The following TUBGCP3 variants were observed in gnomAD, a reference collection of about 807,000 sequenced individuals.
TUBGCP3 encodes tubulin gamma complex component 3, also known as gamma-tubulin complex component 3.
In TUBGCP3, 50 loss-of-function variants were observed where a neutral mutation model predicts 123.1. That is an observed-to-expected ratio of 0.41 (90% confidence interval 0.32 to 0.51). TUBGCP3 has a LOEUF of 0.51. TUBGCP3 is among the 20% of genes least tolerant of loss of function. TUBGCP3 has a pLI of 0.36. For synonymous variants in TUBGCP3, 405 were observed against 413.9 expected (o/e 0.98, Z 0.26); for missense variants, 882 against 1,127.0 (o/e 0.78, Z 3.11).
At chr13:112,577,069 G>C (rs1406839568) in intron 1 of TUBGCP3, among the ~76,000 whole-genome samples, 1 of 151,632 alleles carries the variant, frequency 6.6e-6, no homozygotes, top group East Asian at 1.9e-4. Flanking sequence ...CACAGAATCA[G>C]GAAGGGATAC....
the TUBGCP3 span, among the ~76,000 whole-genome samples, chr13:112,599,670 C>G: frequency 1.2e-4 from 19 of 152,048 alleles, no homozygotes; most frequent in Middle Eastern, 3.4e-3. Context: ...CCAGGCCCGC[C>G]AAGTTATTTT....
chr13:112,528,868 T>A (rs1198891332), intron 11 of TUBGCP3, among the ~76,000 whole-genome samples: 1 of 152,182 alleles, frequency 6.6e-6, no homozygotes, highest in African/African-American at 2.4e-5. Context: ...TTTTTTCTTT[T>A]TGAGACAGGG....
intron 1 of TUBGCP3, among the ~76,000 whole-genome samples, chr13:112,585,937 T>C (rs939234611): frequency 8.6e-5 from 13 of 151,034 alleles, no homozygotes; most frequent in African/African-American, 3.2e-4. Context: ...GAATCTTCAA[T>C]GTAAAAAAAA....
At chr13:112,578,150 G>A (rs1840592642) in intron 1 of TUBGCP3, among the ~76,000 whole-genome samples, 1 of 152,160 alleles carries the variant, frequency 6.6e-6, no homozygotes, top group Non-Finnish European at 1.5e-5. Context: ...TCAGCCCAGG[G>A]CATAAAACCC....
intron 17 of TUBGCP3, among the ~76,000 whole-genome samples, chr13:112,513,013 G>C (rs918606336): frequency 1.6e-4 from 25 of 152,044 alleles, no homozygotes; most frequent in Admixed American, 5.9e-4. Flanking sequence ...AAGAACATAA[G>C]AGATCGATTT....
At chr13:112,544,230 G>A (rs996794663) in intron 11 of TUBGCP3, among the ~76,000 whole-genome samples, 5 of 152,038 alleles carry the variant, frequency 3.3e-5, no homozygotes, top group Non-Finnish European at 5.9e-5. Flanking sequence ...AAGGCGGGCA[G>A]ATCACAAGGT....
chr13:112,526,669 C>A (rs1323625955), intron 13 of TUBGCP3, among the ~76,000 whole-genome samples: 2 of 150,790 alleles, frequency 1.3e-5, no homozygotes, highest in Non-Finnish European at 3.0e-5. Context: ...TCCCCAACAT[C>A]ATCACATCAC....
chr13:112,592,279 TAACA>T (rs766741981), upstream of TUBGCP3, among the ~76,000 whole-genome samples: 2 of 152,226 alleles, frequency 1.3e-5, no homozygotes, highest in Non-Finnish European at 2.9e-5. The surrounding 1 kb of genome is among the most constrained non-coding windows in gnomAD (Gnocchi z 4.1). Flanking sequence ...TTCTTAAATG[TAACA>T]AACAACACAC....
intron 1 of TUBGCP3, among the ~76,000 whole-genome samples, chr13:112,570,261 G>T (rs1269670912): frequency 2.0e-5 from 3 of 152,278 alleles, no homozygotes; most frequent in African/African-American, 7.2e-5. Context: ...TGAGAAAACT[G>T]ATCAGCCCAA....
chr13:112,512,060 G>C (rs1594125662), intron 17 of TUBGCP3, among the ~76,000 whole-genome samples: 1 of 152,334 alleles, frequency 6.6e-6, no homozygotes, highest in East Asian at 1.9e-4. Flanking sequence ...TGAGTGTCTA[G>C]TGTACAAGCT....
At chr13:112,550,924 C>A (rs951363879) in intron 8 of TUBGCP3, among the ~76,000 whole-genome samples, 56 of 152,112 alleles carry the variant, frequency 3.7e-4, no homozygotes, top group Admixed American at 3.7e-3. Context: ...CAGTGAAACC[C>A]CGTCTCTATT....
intron 1 of TUBGCP3, among the ~76,000 whole-genome samples, chr13:112,572,863 G>A (rs1017814664): frequency 6.6e-6 from 1 of 152,056 alleles, no homozygotes; most frequent in African/African-American, 2.4e-5. Context: ...TTGGAAAAAT[G>A]GTACCTAAAG....
In TUBGCP3 at chr13:112,542,672, G is replaced by A. The variant is rs1447607909; in HGVS notation, c.1335+3027C>T. On this transcript the variant is annotated intron_variant, in intron 11 of 21. Transcript: ENST00000261965. ...TTATATAAAATTTAAACTAAGAATT[G>A]AGCTACCTACAGTGTCAGAGGTCAG... Among the ~76,000 whole-genome samples, 3 of 152,096 alleles carry A rather than the reference G, an allele frequency of 2.0e-5. No homozygotes were observed. In the East Asian group the frequency reaches 5.8e-4, roughly 29 times the overall value.
At chr13:112,535,748 G>A (rs1293740284) in intron 11 of TUBGCP3, among the ~76,000 whole-genome samples, 1 of 152,030 alleles carries the variant, frequency 6.6e-6, no homozygotes, top group East Asian at 1.9e-4. Context: ...TCTCAAAAGT[G>A]CCCTTTAATA....
rs1881653414 is a variant in TUBGCP3, at chr13:112,511,224, C to T, written c.2086+5216G>A. Among the ~76,000 whole-genome samples the T allele has an allele frequency of 6.6e-6, 1 of 152,220 alleles. No homozygotes were observed. Among genetic ancestry groups the T allele is most frequent in the Non-Finnish European group, 1.5e-5 (1 of 68,038 alleles). On this transcript the variant is annotated intron_variant, in intron 17 of 21. Coordinates refer to ENST00000261965, the MANE Select transcript of TUBGCP3 (RefSeq NM_006322.6). This position sits in a 1 kb window ranked among gnomAD's most constrained non-coding sequence, Gnocchi z 4.1. ...CTGTGCGGGAAACACCCTCTGAACCCACCGCTCAGATGGGCCCCTCACAGG... is the reference window on the plus strand; with the variant it reads ...CTGTGCGGGAAACACCCTCTGAACCTACCGCTCAGATGGGCCCCTCACAGG...
intron 11 of TUBGCP3, among the ~76,000 whole-genome samples, chr13:112,540,079 C>T (rs370587246): frequency 1.5e-5 from 2 of 135,904 alleles, no homozygotes; most frequent in Admixed American, 1.5e-4. Flanking sequence ...GGAATGAGGA[C>T]GTCAATGTAG....
chr13:112,598,345 G>A, the TUBGCP3 span, among the ~76,000 whole-genome samples: 22 of 151,294 alleles, frequency 1.5e-4, no homozygotes, highest in Non-Finnish European at 2.5e-4. Flanking sequence ...ACTAGATGAA[G>A]GCTAGCACTG....
chr13:112,524,086 A>G lies in TUBGCP3; in HGVS notation c.1556-1577T>C, dbSNP rs1307854145. On this transcript the variant is annotated intron_variant, in intron 13 of 21. Coordinates refer to ENST00000261965, the MANE Select transcript of TUBGCP3 (RefSeq NM_006322.6). The surrounding 1 kb of genome is among the most constrained non-coding windows in gnomAD (Gnocchi z 4.4). Reference sequence around the variant, plus strand: ...CACCCTCAGCATCTGCAGGGGACCAATCCCACGACCCCCACAGACACCAAA... The same window carrying G: ...CACCCTCAGCATCTGCAGGGGACCAGTCCCACGACCCCCACAGACACCAAA... Among the ~76,000 whole-genome samples, 2 of 152,140 alleles carry G rather than the reference A, an allele frequency of 1.3e-5. No homozygotes were observed.
At chr13:112,521,536 G>T in intron 14 of TUBGCP3, 1 of 369,386 alleles carries the variant, frequency 2.7e-6, no homozygotes, top group Non-Finnish European at 3.7e-6. Flanking sequence ...AGCTACTGCA[G>T]CAAGCTTTCT....
Sources: gnomAD v4.1 joint callset for allele counts (sites outside exome capture counted in the v4.1 genomes callset) on GRCh38, gnomAD v4.1.1 for gene constraint, Gnocchi (gnomAD v3.1) non-coding constraint, MANE v1.5 for transcripts, NCBI Gene and HGNC (gene_info 2026-07-23, HGNC 2026-07-21) for gene names.